PAX3: variants seen among roughly 807,000 people sequenced by gnomAD.
The protein encoded by PAX3 is paired box protein Pax-3.
In PAX3, 14 loss-of-function variants were observed where a neutral mutation model predicts 51.6. The observed-to-expected ratio is 0.27, with a 90% confidence interval of 0.18 to 0.42. PAX3 has a LOEUF of 0.42. Ranked by LOEUF, PAX3 falls within the 10% of genes least tolerant of loss-of-function variation. PAX3 has a pLI of 1.00. For synonymous variants in PAX3, 280 were observed against 253.4 expected, an observed-to-expected ratio of 1.11 and a Z score of -1.00; for missense variants, 540 against 642.8, an observed-to-expected ratio of 0.84 and a Z score of 1.73.
chr2:222,235,161 G>T (rs998964219), intron 4 of PAX3, among the ~76,000 whole-genome samples: 5 of 152,146 alleles, frequency 3.3e-5, no homozygotes, highest in African/African-American at 1.2e-4. Flanking sequence ...TGAAGAAAAA[G>T]AATGGTTAGA....
chr2:222,225,945 C>A (rs77877755), intron 5 of PAX3, among the ~76,000 whole-genome samples: 1 of 152,242 alleles, frequency 6.6e-6, no homozygotes, highest in East Asian at 1.9e-4. Context: ...TAATTGAAAG[C>A]CGGTTTGACT....
intron 5 of PAX3, among the ~76,000 whole-genome samples, chr2:222,224,478 G>A (rs375680889): frequency 1.3e-5 from 2 of 152,216 alleles, no homozygotes; most frequent in African/African-American, 4.8e-5. Context: ...GCCAAAAGAA[G>A]TATTAAAGGA....
intron 7 of PAX3, among the ~76,000 whole-genome samples, chr2:222,209,303 A>G (rs910986277): frequency 5.3e-5 from 8 of 152,322 alleles, no homozygotes; most frequent in African/African-American, 1.9e-4. Flanking sequence ...ATGTCTGAAG[A>G]CTACAGAAAA....
At chr2:222,233,535 C>A (rs893043821) in intron 4 of PAX3, among the ~76,000 whole-genome samples, 33 of 152,024 alleles carry the variant, frequency 2.2e-4, no homozygotes, top group African/African-American at 6.8e-4. Flanking sequence ...CATTAGGGAT[C>A]CCATAGCAAA....
intron 4 of PAX3, among the ~76,000 whole-genome samples, chr2:222,269,940 T>C (rs139378028): frequency 1.6e-4 from 25 of 152,336 alleles, no homozygotes; most frequent in African/African-American, 6.0e-4. Context: ...AGAAAGAATT[T>C]AGTTCGAGCC....
At position 222,298,865 on chromosome 2, in the gene PAX3, G is replaced by C. The variant is rs1385865927; in HGVS notation, c.-250C>G. The C allele has an allele frequency of 3.4e-6, 2 of 582,774 alleles. No homozygotes were observed. Among genetic ancestry groups the C allele is most frequent in the African/African-American group, 3.7e-5 (2 of 53,614 alleles). The allele number at this position is 582,774 out of a possible 1,614,324, so 36.1% of individuals were successfully genotyped here. On this transcript the variant is annotated 5_prime_UTR_variant, in exon 1 of 9. Transcript: ENST00000392070. ...TCCCGAGCCCAGGGCGGAAAAGTTTGGTACGAGTCTGGGCAAATGTTCCAG... is the reference window on the plus strand; with the variant it reads ...TCCCGAGCCCAGGGCGGAAAAGTTTCGTACGAGTCTGGGCAAATGTTCCAG...
chr2:222,281,788 T>C (rs1694655699), intron 4 of PAX3, among the ~76,000 whole-genome samples: 1 of 152,190 alleles, frequency 6.6e-6, no homozygotes, highest in Non-Finnish European at 1.5e-5. Flanking sequence ...CTGCTTTTGA[T>C]TTTTCTTAGC....
intron 4 of PAX3, among the ~76,000 whole-genome samples, chr2:222,285,828 T>C (rs1261608453): frequency 1.2e-4 from 19 of 152,262 alleles, no homozygotes; most frequent in Non-Finnish European, 5.9e-5. Context: ...AAATTATCCA[T>C]ATGATCCTGT....
intron 4 of PAX3, among the ~76,000 whole-genome samples, chr2:222,286,351 G>A (rs1381819057): frequency 6.6e-6 from 1 of 152,224 alleles, no homozygotes; most frequent in Admixed American, 6.5e-5. Context: ...AGTAAATATG[G>A]CCAAATAAAA....
chr2:222,280,914 A>C (rs1301181301), intron 4 of PAX3, among the ~76,000 whole-genome samples: 1 of 152,234 alleles, frequency 6.6e-6, no homozygotes, highest in Non-Finnish European at 1.5e-5. Context: ...CCAGTCTTCC[A>C]TTCGACTTCT....
In PAX3 at chr2:222,297,013, T is replaced by C; in HGVS notation, c.286A>G (p.Ile96Val). The change falls in exon 2 of 9, where the codon ATA becomes GTA. Residue 96 changes from isoleucine to valine, a missense_variant. Around this residue, in one of 3 missense-constraint regions of PAX3, gnomAD observed 50 missense variants for 109.3 expected, o/e 0.46. Coordinates refer to ENST00000392070, the MANE Select transcript of PAX3 (RefSeq NM_181458.4). ...CTGCCGCCGATGGCACCAGGACGTA[T>C]GGAGCCAGTCTCCTGGTACCTGCAC... Reference protein sequence around the residue: ...ILCRYQETGSIRPGAIGGSKP... With the variant: ...ILCRYQETGSVRPGAIGGSKP... The C allele has an allele frequency of 6.2e-7, 1 of 1,614,008 alleles. No individual in the cohort carries two copies. Among genetic ancestry groups the C allele is most frequent in the Non-Finnish European group, 8.5e-7 (1 of 1,179,970 alleles).
chr2:222,283,650 C>G (rs1694724696), intron 4 of PAX3, among the ~76,000 whole-genome samples: 1 of 152,212 alleles, frequency 6.6e-6, no homozygotes, highest in Non-Finnish European at 1.5e-5. Flanking sequence ...CATCTAAAAG[C>G]CTTCAGGGGG....
At chr2:222,250,535 A>G (rs893901852) in intron 4 of PAX3, among the ~76,000 whole-genome samples, 4 of 152,212 alleles carry the variant, frequency 2.6e-5, no homozygotes, top group Non-Finnish European at 4.4e-5. Flanking sequence ...TGAAAAAGGG[A>G]ACATGGGCCA....
At chr2:222,272,165 A>G (rs968003358) in intron 4 of PAX3, among the ~76,000 whole-genome samples, 3 of 152,214 alleles carry the variant, frequency 2.0e-5, no homozygotes, top group Non-Finnish European at 2.9e-5. Flanking sequence ...AATCAGAGGC[A>G]CACTTAGAGG....
intron 4 of PAX3, among the ~76,000 whole-genome samples, chr2:222,276,014 T>G (rs570412165): frequency 6.6e-6 from 1 of 152,370 alleles, no homozygotes; most frequent in African/African-American, 2.4e-5. Context: ...TTCACTATTG[T>G]CTGAGTCTCC....
intron 2 of PAX3, among the ~76,000 whole-genome samples, chr2:222,296,700 T>C (rs1226570742): frequency 6.6e-6 from 1 of 152,190 alleles, no homozygotes; most frequent in Non-Finnish European, 1.5e-5. Flanking sequence ...GTTTATCCAT[T>C]AAAATAATTT....
intron 4 of PAX3, among the ~76,000 whole-genome samples, chr2:222,253,801 GA>G (rs1215337697): frequency 1.3e-5 from 2 of 152,112 alleles, no homozygotes; most frequent in Non-Finnish European, 2.9e-5. Context: ...TAGGACTGCA[GA>G]AGCATGCCAC....
At chr2:222,215,372 G>A (rs1691912020) in intron 7 of PAX3, among the ~76,000 whole-genome samples, 1 of 152,222 alleles carries the variant, frequency 6.6e-6, no homozygotes. Flanking sequence ...GGCCCATTTT[G>A]TATACTACAA....
Position 222,209,667 on chromosome 2 carries a change from C to T in PAX3, c.1174-7477G>A, listed in dbSNP as rs140916421. Among the ~76,000 whole-genome samples, 391 of 109,302 alleles carry T rather than the reference C, an allele frequency of 3.6e-3. 3 individuals carry two copies. The highest frequency in any genetic ancestry group is 5.1e-3 in the Non-Finnish European group (296 of 57,570). The allele number at this position is 109,302 out of a possible 152,430, so 71.7% of individuals were successfully genotyped here. On this transcript the variant is annotated intron_variant, in intron 7 of 8. Coordinates refer to ENST00000392070, the MANE Select transcript of PAX3 (RefSeq NM_181458.4). Reference sequence around the variant, plus strand: ...TTGAGCCCAGGAGTTCAAGACTAACCTAGTCAATACAGCAAAACTCTGTCT... The same window carrying T: ...TTGAGCCCAGGAGTTCAAGACTAACTTAGTCAATACAGCAAAACTCTGTCT...
Sources: gnomAD v4.1 joint callset for allele counts (sites outside exome capture counted in the v4.1 genomes callset) on GRCh38, gnomAD v4.1.1 for gene constraint, gnomAD v4.1.1 regional missense constraint, MANE v1.5 for transcripts, NCBI Gene and HGNC (gene_info 2026-07-23, HGNC 2026-07-21) for gene names.